Variants in EPB41L4A observed in about 807,000 individuals in gnomAD.
EPB41L4A encodes the protein band 4.1-like protein 4A.
A neutral mutation model predicts 108.6 loss-of-function variants in EPB41L4A; 100 were observed. The ratio of observed to expected loss-of-function variants is 0.92; its 90% confidence interval spans 0.78 to 1.09. The LOEUF is 1.09. Among genes scored for constraint, EPB41L4A ranks in the 50% least tolerant of loss-of-function variants. EPB41L4A has a pLI of 0.00. For synonymous variants in EPB41L4A, 319 were observed against 289.0 expected (o/e 1.10, Z -1.05); for missense variants, 1,030 against 842.7 (o/e 1.22, Z -2.75).
chr5:112,184,021 A>C lies in EPB41L4A; in HGVS notation c.1617T>G (p.Ser539=). ...TATAAAAAGAGTCCACATACGAACG[A>C]GATCTGTGTCTGGATCGCCTGTTGT... ...DPNNRRSRHR[S]RSRSPDIQAK... Residue 539 remains serine (S), a synonymous_variant, in exon 18 of 23, where the codon TCT becomes TCG. Transcript: ENST00000261486. 6.2e-7 allele frequency: 1 copy of C among 1,614,074 alleles called. No individual in the cohort carries two copies. Among genetic ancestry groups the C allele is most frequent in the Non-Finnish European group, 8.5e-7 (1 of 1,179,938 alleles).
intron 7 of EPB41L4A, among the ~76,000 whole-genome samples, chr5:112,260,674 C>T (rs938155970): frequency 5.9e-5 from 9 of 152,046 alleles, no homozygotes; most frequent in African/African-American, 2.2e-4. Flanking sequence ...ACTAGAGAAC[C>T]TTTATTTTAA....
chr5:112,316,584 T>C (rs1184103932), intron 1 of EPB41L4A, among the ~76,000 whole-genome samples: 2 of 152,144 alleles, frequency 1.3e-5, no homozygotes, highest in Non-Finnish European at 2.9e-5. Flanking sequence ...CATTTAATCA[T>C]TAAAAAATGA....
intron 1 of EPB41L4A, among the ~76,000 whole-genome samples, chr5:112,318,921 C>T (rs1755589468): frequency 6.6e-6 from 1 of 152,196 alleles, no homozygotes; most frequent in Admixed American, 6.5e-5. Context: ...TTCAATCTCC[C>T]TATACTGTAA....
intron 17 of EPB41L4A, among the ~76,000 whole-genome samples, chr5:112,190,883 A>G (rs1344975283): frequency 7.4e-6 from 1 of 134,250 alleles, no homozygotes; most frequent in Non-Finnish European, 1.6e-5. Context: ...AGGAAACAGA[A>G]GAAAGAAAAA....
chr5:112,408,550 C>T (rs554354352), intron 1 of EPB41L4A, among the ~76,000 whole-genome samples: 21 of 151,288 alleles, frequency 1.4e-4, no homozygotes, highest in Non-Finnish European at 2.2e-4. Context: ...GACACTTCTC[C>T]AAAAAAGATA....
At chr5:112,330,809 T>G (rs954193802) in intron 1 of EPB41L4A, among the ~76,000 whole-genome samples, 1 of 152,046 alleles carries the variant, frequency 6.6e-6, no homozygotes, top group African/African-American at 2.4e-5. Context: ...TATGTTAATA[T>G]GCATATTTTC....
intron 2 of EPB41L4A, among the ~76,000 whole-genome samples, chr5:112,306,532 A>T (rs12659151): frequency 6.6e-6 from 1 of 152,110 alleles, no homozygotes; most frequent in East Asian, 1.9e-4. Flanking sequence ...ACCACAAATG[A>T]CCCAGTGGAG....
intron 1 of EPB41L4A, among the ~76,000 whole-genome samples, chr5:112,326,295 C>T (rs1007492567): frequency 6.6e-6 from 1 of 152,070 alleles, no homozygotes; most frequent in African/African-American, 2.4e-5. Flanking sequence ...CCAAACCCCG[C>T]ATCCAGAAGG....
At chr5:112,331,583 A>G (rs552647608) in intron 1 of EPB41L4A, among the ~76,000 whole-genome samples, 2 of 152,324 alleles carry the variant, frequency 1.3e-5, no homozygotes, top group Admixed American at 1.3e-4. Flanking sequence ...CTGGGGCCAG[A>G]GCAGCTGAGG....
chr5:112,267,171 A>C (rs1751922948), intron 4 of EPB41L4A, among the ~76,000 whole-genome samples: 2 of 152,126 alleles, frequency 1.3e-5, no homozygotes, highest in African/African-American at 4.8e-5. Flanking sequence ...GAACCAACAT[A>C]ATTAACCATC....
Position 112,266,803 on chromosome 5 carries a change from A to C in EPB41L4A, c.336-473T>G, listed in dbSNP as rs181503260. On this transcript the variant is annotated intron_variant, in intron 4 of 22. Coordinates refer to ENST00000261486, the MANE Select transcript of EPB41L4A (RefSeq NM_022140.5). ...TATATTACATAACACTCTGCCTATT[A>C]TCTGCTCATTCCATGTTGCCAAAAG... 9.5e-4 allele frequency among the ~76,000 whole-genome samples: 145 copies of C among 152,350 alleles called. 1 individual carries two copies. The highest frequency in any genetic ancestry group is 3.3e-3 in the African/African-American group (137 of 41,578).
At chr5:112,170,256 A>G in intron 20 of EPB41L4A, 45 bp downstream of exon 20, 1 of 1,567,780 alleles carries the variant, frequency 6.4e-7, no homozygotes, top group Non-Finnish European at 8.8e-7. Flanking sequence ...GATTACTCAC[A>G]AGCACTAATA....
chr5:112,288,938 C>G (rs1225130671), intron 2 of EPB41L4A, among the ~76,000 whole-genome samples: 1 of 151,774 alleles, frequency 6.6e-6, no homozygotes, highest in Non-Finnish European at 1.5e-5. Flanking sequence ...AAGCTCAAGT[C>G]CCATGTCACA....
chr5:112,152,827 A>T, intron 12 of EPB41L4A, among the ~76,000 whole-genome samples: 1 of 152,240 alleles, frequency 6.6e-6, no homozygotes, highest in East Asian at 1.9e-4. Flanking sequence ...AAGCAAAAAA[A>T]ATTACCAGAT....
intron 2 of EPB41L4A, among the ~76,000 whole-genome samples, chr5:112,302,124 T>G (rs1754399977): frequency 1.3e-5 from 2 of 152,156 alleles, no homozygotes; most frequent in Admixed American, 1.3e-4. Context: ...AATGTCAGTA[T>G]TTATGATAAA....
intron 12 of EPB41L4A, among the ~76,000 whole-genome samples, chr5:112,213,366 T>A (rs76059139): frequency 1.5e-5 from 2 of 137,554 alleles, no homozygotes; most frequent in Admixed American, 7.4e-5. Flanking sequence ...TTTTTTTTTT[T>A]AAGATAGACT....
chr5:112,326,249 G>A (rs1756152663), intron 1 of EPB41L4A, among the ~76,000 whole-genome samples: 1 of 152,048 alleles, frequency 6.6e-6, no homozygotes, highest in South Asian at 2.1e-4. Flanking sequence ...AGGATCAGGT[G>A]GAGGGTCGGT....
At chr5:112,249,756 A>C (rs12188700) in intron 9 of EPB41L4A, 34,233 of 152,074 alleles carry the variant, frequency 0.23, 4,469 homozygotes, top group Non-Finnish European at 0.3. Context: ...TGCTCCCCAA[A>C]GAGCATTTCT....
chr5:112,369,265 T>A (rs114349140), intron 1 of EPB41L4A, among the ~76,000 whole-genome samples: 2,163 of 152,286 alleles, frequency 0.014, 40 homozygotes, highest in African/African-American at 0.049. Context: ...CAACTTCCCC[T>A]GTACCAGTTC....
Sources: allele counts gnomAD v4.1 joint callset (sites outside exome capture counted in the v4.1 genomes callset), GRCh38; gene constraint gnomAD v4.1.1; transcripts MANE v1.5; gene names NCBI Gene and HGNC (gene_info 2026-07-23, HGNC 2026-07-21).